Variants in BMP1 observed in about 807,000 individuals in gnomAD.
BMP1 encodes the protein bone morphogenetic protein 1.
A neutral mutation model predicts 116.8 loss-of-function variants in BMP1; 63 were observed. That is an observed-to-expected ratio of 0.54 (90% CI 0.44 to 0.67). BMP1 has a LOEUF of 0.67. Among genes scored for constraint, BMP1 ranks in the 30% least tolerant of loss-of-function variants. BMP1 has a pLI of 0.00. For missense variants in BMP1, 1,183 were observed against 1,358.9 expected, an observed-to-expected ratio of 0.87 and a Z score of 2.04; for synonymous variants, 536 against 533.4, an observed-to-expected ratio of 1.00 and a Z score of -0.07.
chr8:22,211,654 A>G lies in BMP1; in HGVS notation c.2887A>G (p.Thr963Ala). 1 of 1,614,152 alleles carries G rather than the reference A, an allele frequency of 6.2e-7. No homozygotes were observed. The highest frequency in any genetic ancestry group is 8.5e-7 in the Non-Finnish European group (1 of 1,180,014). The change falls in exon 20 of 20, where the codon ACC becomes GCC. Residue 963 changes from threonine (T) to alanine (A), a missense_variant. This residue lies in a region of BMP1 where 956 missense variants were observed against 1,135.2 expected (regional missense o/e 0.84). Transcript: ENST00000306385. ...CCTGGTGAAGTTCCACTCGGATGACACCATCACCAAAAAAGGTTTCCACCT... is the reference window on the plus strand; with the variant it reads ...CCTGGTGAAGTTCCACTCGGATGACGCCATCACCAAAAAAGGTTTCCACCT... ...SVLVKFHSDD[T>A]ITKKGFHLRY...
chr8:22,185,997 G>A lies in BMP1; in HGVS notation c.1077+5514G>A, dbSNP rs572758577. Among the ~76,000 whole-genome samples, 19 of 152,118 alleles carry A rather than the reference G, an allele frequency of 1.2e-4. No homozygotes were observed. In the East Asian group the frequency reaches 1.4e-3, roughly 11 times the overall value. The stretch of plus-strand genomic sequence containing the variant: ...ATTACAGGCGCCTGCCACCACGCCC[G>A]GCTAATTTTTGTATTTTTAGTAGAG... On this transcript the variant is annotated intron_variant, in intron 8 of 19. Transcript: ENST00000306385.
intron 1 of BMP1, chr8:22,171,119 T>C (rs1391588898): frequency 2.6e-5 from 4 of 152,228 alleles, no homozygotes; most frequent in Non-Finnish European, 5.9e-5. Context: ...GTCCCATCAG[T>C]TGCTGAGCCA....
At position 22,180,228 on chromosome 8, in the gene BMP1, G is replaced by T. The variant is rs900943864; in HGVS notation, c.962-140G>T. The T allele has an allele frequency of 5.4e-5, 39 of 723,012 alleles. No homozygotes were observed. The Middle Eastern group carries it at 2.5e-3, about 46-fold the overall frequency. The allele number at this position is 723,012 out of a possible 1,614,324, so 44.8% of individuals were successfully genotyped here. On this transcript the variant is annotated intron_variant, in intron 7 of 19. Coordinates refer to ENST00000306385, the MANE Select transcript of BMP1 (RefSeq NM_006129.5). ...AGGTAGGGGGGTGGATCTTATAGGG[G>T]CAGGACCATTGCAGACACCCTCCCA...
chr8:22,197,170 T>G (rs1432911669), intron 14 of BMP1, 70 bp from the exon 15 acceptor site: 3 of 1,554,900 alleles, frequency 1.9e-6, no homozygotes, highest in Admixed American at 3.5e-5. Flanking sequence ...AACAGAGAGC[T>G]TCCCGAGGGC....
chr8:22,178,396 C>T (rs1828515973), intron 6 of BMP1, among the ~76,000 whole-genome samples: 1 of 152,182 alleles, frequency 6.6e-6, no homozygotes, highest in African/African-American at 2.4e-5. Flanking sequence ...CTCAAGGAAT[C>T]GTCCCGTCTC....
intron 16 of BMP1, among the ~76,000 whole-genome samples, 179 bp from the exon 17 acceptor site, chr8:22,206,675 G>T (rs1829362560): frequency 6.6e-6 from 1 of 152,132 alleles, no homozygotes; most frequent in South Asian, 2.1e-4. Flanking sequence ...CGGGCAGCTA[G>T]ATTTTCCCCA....
intron 14 of BMP1, 101 bp from the exon 15 acceptor site, chr8:22,197,139 T>C: frequency 6.8e-7 from 1 of 1,461,440 alleles, no homozygotes; most frequent in East Asian, 2.3e-5. Flanking sequence ...CGTAGCTAAG[T>C]CAAGGCTAAA....
intron 4 of BMP1, 99 bp downstream of exon 4, chr8:22,176,749 TC>T: frequency 1.5e-6 from 2 of 1,313,274 alleles, no homozygotes; most frequent in Admixed American, 3.4e-5. Context: ...CAGCCTTGGG[TC>T]CCTTTATCCC....
chr8:22,202,026 G>C, intron 16 of BMP1, 98 bp downstream of exon 16: 1 of 1,472,446 alleles, frequency 6.8e-7, no homozygotes, highest in East Asian at 2.4e-5. Context: ...TTAGATTCTG[G>C]GGCCTGTATG....
At chr8:22,183,299 C>G (rs1828675746) in intron 8 of BMP1, among the ~76,000 whole-genome samples, 1 of 152,096 alleles carries the variant, frequency 6.6e-6, no homozygotes, top group Non-Finnish European at 1.5e-5. Flanking sequence ...GTTGGTAGTT[C>G]CAGCTACTCG....
At position 22,180,434 on chromosome 8, in the gene BMP1, C is replaced by T. The variant is rs1828581961; in HGVS notation, c.1028C>T (p.Ser343Phe). 6.2e-7 allele frequency: 1 copy of T among 1,613,992 alleles called. No homozygotes were observed. The highest frequency in any genetic ancestry group is 8.5e-7 in the Non-Finnish European group (1 of 1,179,990). The change falls in exon 8 of 20, where the codon TCT (serine) becomes TTT (phenylalanine). Residue 343 changes from serine (S) to phenylalanine (F), a missense_variant. Ser to Phe is a radical substitution (Grantham distance 155). Around this residue, in one of 4 missense-constraint regions of BMP1, gnomAD observed 956 missense variants for 1,135.2 expected, o/e 0.84. Transcript: ENST00000306385. The stretch of plus-strand genomic sequence containing the variant: ...TCCCCTGAATACCCCAATGGCTACT[C>T]TGCTCACATGCACTGCGTGTGGCGC... The part of the protein sequence containing the change: ...FSSPEYPNGY[S>F]AHMHCVWRIS...
Position 22,209,435 on chromosome 8 carries a change from T to TC in BMP1, c.2576-6dup. ...GCTCAGGGCTGGTTGGCCCCTCTTG[T>TC]CCCCTACAGAGTGCGGGGGCCAGGT... On this transcript the variant is annotated splice_polypyrimidine_tract_variant and intron_variant, in intron 18 of 19. Transcript: ENST00000306385. 6.2e-7 allele frequency: 1 copy of TC among 1,613,748 alleles called. No homozygotes were observed. The highest frequency in any genetic ancestry group is 8.5e-7 in the Non-Finnish European group (1 of 1,179,746).
intron 1 of BMP1, among the ~76,000 whole-genome samples, 172 bp downstream of exon 1, chr8:22,165,725 C>T (rs1488715485): frequency 1.3e-5 from 2 of 152,068 alleles, no homozygotes; most frequent in East Asian, 3.9e-4. Flanking sequence ...GGGGACTTTT[C>T]GGACTGAAGT....
intron 16 of BMP1, among the ~76,000 whole-genome samples, chr8:22,204,131 C>T (rs1829310495): frequency 6.6e-6 from 1 of 152,142 alleles, no homozygotes. Context: ...TGCAGCCTAG[C>T]TGGGGAGAGA....
chr8:22,211,319 C>T (rs927509800), intron 19 of BMP1, among the ~76,000 whole-genome samples: 6 of 151,646 alleles, frequency 4.0e-5, no homozygotes, highest in African/African-American at 1.5e-4. Context: ...GGAAGTGAGG[C>T]CCAGAGATGG....
chr8:22,194,320 G>A lies in BMP1; in HGVS notation c.1298-125G>A. 2 of 1,468,946 alleles carry A rather than the reference G, an allele frequency of 1.4e-6. No homozygotes were observed. Among genetic ancestry groups the A allele is most frequent in the Non-Finnish European group, 1.9e-6 (2 of 1,068,756 alleles). The allele number at this position is 1,468,946 out of a possible 1,614,324, so 91.0% of individuals were successfully genotyped here. A position where few individuals can be genotyped will look rare whatever the true frequency, so the allele number is the denominator to read the frequency against. On this transcript the variant is annotated intron_variant, in intron 10 of 19. Coordinates refer to ENST00000306385, the MANE Select transcript of BMP1 (RefSeq NM_006129.5). The surrounding 1 kb of genome is among the most constrained non-coding windows in gnomAD (Gnocchi z 4.5). ...ATGATGGGATTGCCTGGGACTGGGG[G>A]TTTGGTGGGGAACTGAAAAGCTGGG...
chr8:22,211,500 G>A, intron 19 of BMP1, 94 bp from the exon 20 acceptor site: 1 of 1,544,874 alleles, frequency 6.5e-7, no homozygotes, highest in Non-Finnish European at 8.9e-7. Context: ...CTGCCTGGGA[G>A]CCTCCTGCCC....
intron 2 of BMP1, 116 bp downstream of exon 2, chr8:22,173,831 C>A (rs1465584084): frequency 2.9e-6 from 2 of 694,994 alleles, no homozygotes; most frequent in African/African-American, 1.8e-5. Context: ...ATGAGTTTGA[C>A]CCCAGCACAT....
intron 19 of BMP1, among the ~76,000 whole-genome samples, chr8:22,211,094 G>T (rs906099454): frequency 1.3e-5 from 2 of 152,210 alleles, no homozygotes; most frequent in Admixed American, 6.5e-5. Context: ...GGCCTGGGGG[G>T]CACTGTGCTT....
Sources: allele counts gnomAD v4.1 joint callset (sites outside exome capture counted in the v4.1 genomes callset), GRCh38; gene constraint gnomAD v4.1.1; regional missense constraint gnomAD v4.1.1; non-coding constraint Gnocchi (gnomAD v3.1); transcripts MANE v1.5; gene names NCBI Gene and HGNC (gene_info 2026-07-23, HGNC 2026-07-21).